The following ASPRV1 variants were observed in gnomAD, a reference collection of about 807,000 sequenced individuals.
ASPRV1 encodes retroviral-like aspartic protease 1.
ASPRV1 carries 7 observed loss-of-function variants against 11.0 expected under a neutral mutation model. That is an observed-to-expected ratio of 0.64 (90% CI 0.36 to 1.20). The LOEUF (loss-of-function observed/expected upper bound fraction) is 1.20, where lower values mean the gene tolerates loss of function less well. Ranked by LOEUF, ASPRV1 falls within the 50% of genes most tolerant of loss-of-function variation. ASPRV1 has a pLI of 0.02. For missense variants in ASPRV1, 299 were observed against 320.0 expected, an observed-to-expected ratio of 0.93 and a Z score of 0.50; for synonymous variants, 136 against 138.4, an observed-to-expected ratio of 0.98 and a Z score of 0.12.
At chr2:69,968,795 G>A in the ASPRV1 span, among the ~76,000 whole-genome samples, 1 of 152,176 alleles carries the variant, frequency 6.6e-6, no homozygotes, top group Non-Finnish European at 1.5e-5. Flanking sequence ...GGTCGCTGGG[G>A]ACAAGCAGTC....
the ASPRV1 span, among the ~76,000 whole-genome samples, chr2:70,085,050 A>G: frequency 2.5e-3 from 380 of 152,336 alleles, 2 homozygotes; most frequent in African/African-American, 8.8e-3. Context: ...CATTGAACTG[A>G]AGAGTCCACA....
At chr2:70,019,391 TCCA>T in the ASPRV1 span, among the ~76,000 whole-genome samples, 1 of 152,198 alleles carries the variant, frequency 6.6e-6, no homozygotes, top group Non-Finnish European at 1.5e-5. Context: ...TACCATATGA[TCCA>T]GCAATACCAC....
the ASPRV1 span, among the ~76,000 whole-genome samples, chr2:69,980,917 A>C: frequency 2.0e-5 from 3 of 152,134 alleles, no homozygotes; most frequent in Non-Finnish European, 4.4e-5. Context: ...CTGGGATTAC[A>C]GGCGCCCGCC....
the ASPRV1 span, among the ~76,000 whole-genome samples, chr2:70,084,388 T>C: frequency 6.6e-6 from 1 of 152,364 alleles, no homozygotes; most frequent in East Asian, 1.9e-4. Context: ...CAGGACTCTC[T>C]GCAGAGACCA....
chr2:70,074,603 C>G, the ASPRV1 span, among the ~76,000 whole-genome samples: 1 of 151,470 alleles, frequency 6.6e-6, no homozygotes, highest in Non-Finnish European at 1.5e-5. Context: ...TGAATAAGGA[C>G]CATAAAACTA....
the ASPRV1 span, among the ~76,000 whole-genome samples, chr2:70,036,457 GATCA>G: frequency 6.6e-6 from 1 of 152,084 alleles, no homozygotes; most frequent in African/African-American, 2.4e-5. Context: ...TAAAGAAATG[GATCA>G]ATCTAAAGAC....
the ASPRV1 span, among the ~76,000 whole-genome samples, chr2:69,951,196 C>A: frequency 2.6e-5 from 4 of 151,750 alleles, no homozygotes; most frequent in African/African-American, 9.7e-5. Context: ...GAGGCTGAGG[C>A]AGGCAGATCG....
the ASPRV1 span, chr2:69,976,339 C>G: frequency 1.3e-5 from 2 of 152,490 alleles, no homozygotes; most frequent in African/African-American, 4.8e-5. Flanking sequence ...CCCTCCAATC[C>G]GATCTGGGGC....
chr2:70,075,774 G>A, the ASPRV1 span, among the ~76,000 whole-genome samples: 20 of 152,132 alleles, frequency 1.3e-4, no homozygotes, highest in African/African-American at 2.9e-4. Context: ...GCCTGAACCC[G>A]GGAGGCGGAG....
At chr2:70,015,092 C>T in the ASPRV1 span, among the ~76,000 whole-genome samples, 1 of 152,120 alleles carries the variant, frequency 6.6e-6, no homozygotes, top group Non-Finnish European at 1.5e-5. Context: ...TCACCTCACA[C>T]CCATTAGGTT....
At chr2:69,986,851 T>C in the ASPRV1 span, among the ~76,000 whole-genome samples, 5 of 152,168 alleles carry the variant, frequency 3.3e-5, no homozygotes, top group African/African-American at 9.7e-5. Flanking sequence ...GGTCACTTAG[T>C]GGGCAGACTC....
chr2:69,962,180 T>G (rs1024278347), upstream of ASPRV1: 2 of 158,270 alleles, frequency 1.3e-5, no homozygotes, highest in Non-Finnish European at 1.5e-5. Flanking sequence ...ACAGAAATGG[T>G]CTTTTTTAAG....
the ASPRV1 span, among the ~76,000 whole-genome samples, chr2:69,979,172 C>CTA: frequency 1.3e-5 from 2 of 152,036 alleles, no homozygotes; most frequent in African/African-American, 4.8e-5. Flanking sequence ...GTAGCTGGGA[C>CTA]TACAGGTGCA....
chr2:69,992,873 T>A, the ASPRV1 span, among the ~76,000 whole-genome samples: 1 of 152,330 alleles, frequency 6.6e-6, no homozygotes, highest in East Asian at 1.9e-4. Context: ...TACGTAGTAA[T>A]CTATTGTCAA....
the ASPRV1 span, among the ~76,000 whole-genome samples, chr2:69,952,668 T>A: frequency 6.6e-6 from 1 of 152,290 alleles, no homozygotes; most frequent in African/African-American, 2.4e-5. Flanking sequence ...GTGAGTTACC[T>A]CATCTGGGGC....
the ASPRV1 span, chr2:70,086,508 G>A: frequency 1.3e-5 from 2 of 151,526 alleles, no homozygotes; most frequent in Non-Finnish European, 2.9e-5. Flanking sequence ...GGCGGGCCCT[G>A]ACGGGGCCGC....
At chr2:70,078,646 T>C in the ASPRV1 span, among the ~76,000 whole-genome samples, 4 of 152,168 alleles carry the variant, frequency 2.6e-5, no homozygotes, top group South Asian at 2.1e-4. Context: ...AAGGAGACCA[T>C]TGTGGCTACA....
At chr2:70,038,078 A>G in the ASPRV1 span, among the ~76,000 whole-genome samples, 1 of 152,150 alleles carries the variant, frequency 6.6e-6, no homozygotes, top group Non-Finnish European at 1.5e-5. Context: ...TGCTGCTTTT[A>G]TTGTTGCTTT....
the ASPRV1 span, among the ~76,000 whole-genome samples, chr2:69,972,029 G>A: frequency 6.6e-6 from 1 of 152,062 alleles, no homozygotes; most frequent in African/African-American, 2.4e-5. Context: ...TGCTTTCATG[G>A]CTGTGATTCG....
Sources: gnomAD v4.1 joint callset for allele counts (sites outside exome capture counted in the v4.1 genomes callset) on GRCh38, gnomAD v4.1.1 for gene constraint, MANE v1.5 for transcripts, NCBI Gene and HGNC (gene_info 2026-07-23, HGNC 2026-07-21) for gene names.